The following CLDN16 variants were observed in gnomAD, a reference collection of about 807,000 sequenced individuals.
CLDN16 encodes claudin 16, also known as claudin-16.
A neutral mutation model predicts 24.6 loss-of-function variants in CLDN16; 13 were observed. The observed-to-expected ratio is 0.53, with a 90% confidence interval of 0.34 to 0.84. The LOEUF (loss-of-function observed/expected upper bound fraction) is 0.84. CLDN16 is among the 40% of genes least tolerant of loss of function. CLDN16 has a pLI of 0.01. For synonymous variants in CLDN16, 116 were observed against 106.7 expected, an observed-to-expected ratio of 1.09 and a Z score of -0.54; for missense variants, 298 against 292.7, an observed-to-expected ratio of 1.02 and a Z score of -0.13.
At chr3:190,373,187 C>T (rs1718177904) in intron 2 of CLDN16, among the ~76,000 whole-genome samples, 1 of 151,812 alleles carries the variant, frequency 6.6e-6, no homozygotes, top group African/African-American at 2.4e-5. Context: ...AAATGAGGCT[C>T]AAGGCAGTGA....
intron 1 of CLDN16, among the ~76,000 whole-genome samples, chr3:190,342,872 G>A (rs563061582): frequency 3.3e-5 from 5 of 152,174 alleles, no homozygotes; most frequent in Admixed American, 2.6e-4. Flanking sequence ...AAAAAACATA[G>A]GGGAAAAACT....
chr3:190,307,869 A>G, the CLDN16 span: 1 of 162,512 alleles, frequency 6.2e-6, no homozygotes, highest in East Asian at 1.8e-4. Flanking sequence ...CTTCATCAAT[A>G]TGGAATTAAA....
chr3:190,314,707 A>G, the CLDN16 span, among the ~76,000 whole-genome samples: 1 of 152,094 alleles, frequency 6.6e-6, no homozygotes, highest in Non-Finnish European at 1.5e-5. Context: ...CCTGGCCATA[A>G]TCTCTTTCTA....
At chr3:190,394,223 T>G (rs758980113) in intron 1 of CLDN16, among the ~76,000 whole-genome samples, 3 of 152,210 alleles carry the variant, frequency 2.0e-5, no homozygotes, top group Non-Finnish European at 4.4e-5. Context: ...TCTTAATTAT[T>G]TACACTGAAA....
chr3:190,361,692 T>C (rs1194956597), intron 1 of CLDN16, among the ~76,000 whole-genome samples: 1 of 151,774 alleles, frequency 6.6e-6, no homozygotes, highest in East Asian at 2.0e-4. Flanking sequence ...AGAGCTTCCC[T>C]TCTAACAAAA....
At chr3:190,384,952 T>A (rs1184109217), upstream of CLDN16, among the ~76,000 whole-genome samples, 1 of 152,204 alleles carries the variant, frequency 6.6e-6, no homozygotes, top group Non-Finnish European at 1.5e-5. Context: ...TATTTCTAAC[T>A]AATATGCCTA....
intron 1 of CLDN16, among the ~76,000 whole-genome samples, chr3:190,362,135 C>T (rs892111635): frequency 1.3e-5 from 2 of 151,712 alleles, no homozygotes; most frequent in Non-Finnish European, 2.9e-5. Flanking sequence ...TCCTCTTTTT[C>T]ACCTATTAAA....
rs1201892517 is a variant in CLDN16 at position 190,410,018 on chromosome 3, T to A, written c.690T>A (p.Ala230=). The A allele has an allele frequency of 8.1e-6, 13 of 1,614,004 alleles. No individual in the cohort carries two copies. The highest frequency in any genetic ancestry group is 1.1e-5 in the Non-Finnish European group (13 of 1,180,018). The change falls in exon 5 of 5, where the codon GCT becomes GCA. Residue 230 remains alanine, a synonymous_variant. Transcript: ENST00000264734. ...GCACAGAGACGGCCAAAATGTATGC[T>A]GTAGACACAAGGGTGTAAAATGCAC... ...APRTETAKMY[A]VDTRV
rs984582606 is a variant in CLDN16 at position 190,410,206 on chromosome 3, T to C, written c.*170T>C. On this transcript the variant is annotated 3_prime_UTR_variant, in exon 5 of 5. Coordinates refer to ENST00000264734, the MANE Select transcript of CLDN16 (RefSeq NM_006580.4). ...CCTATACTTTTTCTTTCTATTACTC[T>C]TATATTTTCCCGTCATTCTCTCTGC... is the stretch of plus-strand genomic sequence containing the variant. 1 of 752,660 alleles carries C rather than the reference T, an allele frequency of 1.3e-6. No individual in the cohort carries two copies. The highest frequency in any genetic ancestry group is 2.2e-6 in the Non-Finnish European group (1 of 453,494). The allele number at this position is 752,660 out of a possible 1,614,324, so 46.6% of individuals were successfully genotyped here. A position where few individuals can be genotyped will look rare whatever the true frequency, so the allele number is the denominator to read the frequency against.
chr3:190,354,208 A>C (rs111853715), intron 1 of CLDN16, among the ~76,000 whole-genome samples: 4,544 of 151,946 alleles, frequency 0.03, 99 homozygotes, highest in East Asian at 0.055. Flanking sequence ...CATTTTTTGG[A>C]GTATAATATT....
chr3:190,346,369 T>C (rs1177442242), intron 1 of CLDN16, among the ~76,000 whole-genome samples: 2 of 152,228 alleles, frequency 1.3e-5, no homozygotes, highest in Non-Finnish European at 2.9e-5. Flanking sequence ...TTGGTCTCTA[T>C]TCTATGAACA....
upstream of CLDN16, among the ~76,000 whole-genome samples, chr3:190,387,198 G>T (rs1718521421): frequency 6.6e-6 from 1 of 152,118 alleles, no homozygotes; most frequent in Non-Finnish European, 1.5e-5. Context: ...AAGAGAAAAT[G>T]TTGATATATG....
At chr3:190,367,420 T>C (rs1718046370) in intron 1 of CLDN16, among the ~76,000 whole-genome samples, 1 of 151,942 alleles carries the variant, frequency 6.6e-6, no homozygotes, top group Admixed American at 6.6e-5. Context: ...AACAGAAATT[T>C]GGCCTGTGAA....
At chr3:190,312,815 T>A in the CLDN16 span, 2 of 1,592,404 alleles carry the variant, frequency 1.3e-6, no homozygotes, top group Non-Finnish European at 1.7e-6. Flanking sequence ...CGTAATAGAT[T>A]TCAAATCATA....
chr3:190,335,708 C>CAAAAAAAAAAAAAAAAAAAAAAAAAAAA lies in CLDN16; in HGVS notation n.121+13070_121+13071insAAAAAAAAAAAAAAAAAAAAAAAAAAAA, dbSNP rs34082811. Among the ~76,000 whole-genome samples the CAAAAAAAAAAAAAAAAAAAAAAAAAAAA allele has an allele frequency of 3.3e-5, 2 of 60,136 alleles. 1 individual carries two copies. The highest frequency in any genetic ancestry group is 6.0e-5 in the Non-Finnish European group (2 of 33,184). 39.5% of individuals were successfully genotyped at this position (60,136 alleles called of 152,430 possible). ...GCCTGGTGACAGAGCAAGACTCCAT[C>CAAAAAAAAAAAAAAAAAAAAAAAAAAAA]AAAAAAAAAAAAAAAAAAAAAAAGG... On this transcript the variant is annotated intron_variant and non_coding_transcript_variant, in intron 1 of 4. Coordinates refer to the CLDN16 transcript ENST00000468220.
chr3:190,391,847 G>C (rs1718683546), intron 1 of CLDN16, among the ~76,000 whole-genome samples: 1 of 152,174 alleles, frequency 6.6e-6, no homozygotes, highest in Non-Finnish European at 1.5e-5. Context: ...GAGGCCCTCA[G>C]CTACCATCCT....
intron 1 of CLDN16, among the ~76,000 whole-genome samples, chr3:190,392,881 T>G (rs1441263033): frequency 6.6e-6 from 1 of 152,202 alleles, no homozygotes; most frequent in Non-Finnish European, 1.5e-5. Flanking sequence ...GGCAAGGGTT[T>G]GTCGCTGTAA....
Position 190,375,181 on chromosome 3 carries a change from C to G in CLDN16, n.306+578C>G, listed in dbSNP as rs538925866. ...CTTTAGGAGAAGTGATAAGATAACCCTACTTTTTTCTTTCATATATAATTC... is the reference window on the plus strand; with the variant it reads ...CTTTAGGAGAAGTGATAAGATAACCGTACTTTTTTCTTTCATATATAATTC... On this transcript the variant is annotated intron_variant and non_coding_transcript_variant, in intron 3 of 4. Transcript: ENST00000468220. 2.4e-4 allele frequency among the ~76,000 whole-genome samples: 36 copies of G among 152,054 alleles called. No homozygotes were observed. In the South Asian group the frequency reaches 7.5e-3, roughly 32 times the overall value.
intron 2 of CLDN16, among the ~76,000 whole-genome samples, chr3:190,372,144 G>A (rs1343563000): frequency 6.6e-6 from 1 of 151,922 alleles, no homozygotes; most frequent in Admixed American, 6.6e-5. Context: ...GGCCGGCTAA[G>A]GATGAGTCTT....
Sources: gnomAD v4.1 joint callset for allele counts (sites outside exome capture counted in the v4.1 genomes callset) on GRCh38, gnomAD v4.1.1 for gene constraint, MANE v1.5 for transcripts, NCBI Gene and HGNC (gene_info 2026-07-23, HGNC 2026-07-21) for gene names.